INTS8: variants seen among roughly 807,000 people sequenced by gnomAD.
INTS8 encodes protein kaonashi-1.
Under a neutral mutation model 138.9 loss-of-function variants are expected in INTS8, and 47 were observed. The ratio of observed to expected loss-of-function variants is 0.34; its 90% CI spans 0.27 to 0.43. INTS8 has a LOEUF of 0.43. Ranked by LOEUF, INTS8 falls within the 20% of genes least tolerant of loss-of-function variation. INTS8 has a pLI of 1.00. For synonymous variants in INTS8, 392 were observed against 400.9 expected (o/e 0.98, Z 0.27); for missense variants, 996 against 1,173.0 (o/e 0.85, Z 2.20).
chr8:94,873,220 C>A (rs1406970706), intron 21 of INTS8, among the ~76,000 whole-genome samples, 154 bp from the exon 22 acceptor site: 1 of 152,232 alleles, frequency 6.6e-6, no homozygotes, highest in African/African-American at 2.4e-5. Context: ...TGTACTAGGA[C>A]ATTTGGCAAG....
chr8:94,851,453 T>G (rs1815541847), intron 12 of INTS8, 100 bp from the exon 13 acceptor site: 1 of 775,328 alleles, frequency 1.3e-6, no homozygotes, highest in Non-Finnish European at 1.9e-6. Context: ...GATAGCAGCT[T>G]TTAATTTATA....
chr8:94,865,467 A>T (rs749302559), intron 16 of INTS8, 39 bp from the exon 17 acceptor site: 1 of 1,548,662 alleles, frequency 6.5e-7, no homozygotes, highest in South Asian at 1.1e-5. Context: ...GCACGACATT[A>T]CAGATTATCT....
intron 20 of INTS8, among the ~76,000 whole-genome samples, chr8:94,870,965 C>T (rs1210609986): frequency 6.6e-6 from 1 of 152,048 alleles, no homozygotes; most frequent in African/African-American, 2.4e-5. Flanking sequence ...GCTCACAGTA[C>T]TCTTTTCTTG....
intron 16 of INTS8, among the ~76,000 whole-genome samples, chr8:94,863,541 A>G (rs1816070788): frequency 1.3e-5 from 2 of 152,142 alleles, no homozygotes; most frequent in African/African-American, 2.4e-5. Context: ...TTTATGCTGA[A>G]TAGTAAGTTA....
chr8:94,831,928 A>C, intron 5 of INTS8, 64 bp from the exon 6 acceptor site: 3 of 1,325,562 alleles, frequency 2.3e-6, no homozygotes, highest in Non-Finnish European at 3.1e-6. Flanking sequence ...TAGACTGTAA[A>C]TATTTTTGGT....
chr8:94,823,647 C>A, intron 1 of INTS8, 86 bp downstream of exon 1: 2 of 1,162,246 alleles, frequency 1.7e-6, no homozygotes, highest in South Asian at 3.2e-5. Flanking sequence ...CCTTCTCGGT[C>A]ACCGAAGCTG....
Position 94,838,623 on chromosome 8 carries a change from G to A in INTS8, c.1017+5G>A. 1 of 1,601,680 alleles carries A rather than the reference G, an allele frequency of 6.2e-7. No individual in the cohort carries two copies. Among genetic ancestry groups the A allele is most frequent in the Non-Finnish European group, 8.5e-7 (1 of 1,170,304 alleles). On this transcript the variant is annotated splice_donor_5th_base_variant and intron_variant, in intron 8 of 26. Transcript: ENST00000523731. ...TTGAGATCTGGCAACTATCAGGTAAGGTGTATGAGGGGGATGCAGTGAAGT... is the reference window on the plus strand; with the variant it reads ...TTGAGATCTGGCAACTATCAGGTAAAGTGTATGAGGGGGATGCAGTGAAGT...
At chr8:94,866,214 C>G (rs771584927) in intron 18 of INTS8, 23 bp downstream of exon 18, 8 of 1,247,188 alleles carry the variant, frequency 6.4e-6, no homozygotes, top group Admixed American at 1.8e-5. Flanking sequence ...AAAAATTGCT[C>G]TAATTACTAT....
At chr8:94,860,958 G>A (rs1395080178) in intron 16 of INTS8, among the ~76,000 whole-genome samples, 1 of 150,638 alleles carries the variant, frequency 6.6e-6, no homozygotes, top group Non-Finnish European at 1.5e-5. Context: ...TCGGGAGGCT[G>A]AGGCAGGAGA....
chr8:94,856,641 T>A, intron 14 of INTS8, 136 bp from the exon 15 acceptor site: 1 of 677,790 alleles, frequency 1.5e-6, no homozygotes, highest in Non-Finnish European at 2.6e-6. Context: ...GAAAATACTA[T>A]CTAGCCTTAC....
intron 6 of INTS8, among the ~76,000 whole-genome samples, chr8:94,835,800 A>G (rs1193989647): frequency 2.0e-5 from 3 of 152,022 alleles, no homozygotes; most frequent in Non-Finnish European, 2.9e-5. Context: ...GGGTTTCACT[A>G]TGTTGGTCAG....
At position 94,859,496 on chromosome 8, in the gene INTS8, T is replaced by C; in HGVS notation, c.1955-15T>C. The C allele has an allele frequency of 6.2e-7, 1 of 1,610,668 alleles. No individual in the cohort carries two copies. Among genetic ancestry groups the C allele is most frequent in the Non-Finnish European group, 8.5e-7 (1 of 1,177,920 alleles). On this transcript the variant is annotated splice_polypyrimidine_tract_variant and intron_variant, in intron 15 of 26. Coordinates refer to ENST00000523731, the MANE Select transcript of INTS8 (RefSeq NM_017864.4). Reference sequence around the variant, plus strand: ...TGTGATGGTAATTCCAACTGTTTTCTTCTTTGCTTTTTAGATATTCCTCTT... The same window carrying C: ...TGTGATGGTAATTCCAACTGTTTTCCTCTTTGCTTTTTAGATATTCCTCTT...
intron 13 of INTS8, among the ~76,000 whole-genome samples, chr8:94,853,173 A>G (rs762203642): frequency 5.9e-5 from 9 of 152,046 alleles, no homozygotes; most frequent in Non-Finnish European, 1.3e-4. Flanking sequence ...TTAGCTGGGC[A>G]TGGTGGCGCG....
In INTS8 at chr8:94,826,430, C is replaced by T. The variant is rs560398205; in HGVS notation, c.306-833C>T. ...CCGAGTAGCTGGGACTGCAGGCGCC[C>T]GCCACCATAAAGTGTATTTTTAATC... On this transcript the variant is annotated intron_variant, in intron 2 of 26. Transcript: ENST00000523731. 5.3e-5 allele frequency among the ~76,000 whole-genome samples: 8 copies of T among 152,208 alleles called. 1 individual carries two copies. In the South Asian group the frequency reaches 8.3e-4, roughly 16 times the overall value.
intron 2 of INTS8, among the ~76,000 whole-genome samples, chr8:94,826,941 T>C (rs1814529934): frequency 6.6e-6 from 1 of 151,944 alleles, no homozygotes; most frequent in Non-Finnish European, 1.5e-5. Flanking sequence ...CCGTCTCTAC[T>C]AAAAACACAA....
intron 22 of INTS8, 127 bp from the exon 23 acceptor site, chr8:94,874,425 G>A (rs1242411246): frequency 9.1e-6 from 6 of 656,608 alleles, no homozygotes; most frequent in African/African-American, 1.8e-5. Context: ...AAAAGGTACA[G>A]AGTTCCCATA....
At chr8:94,855,382 A>G (rs1815707240) in intron 14 of INTS8, among the ~76,000 whole-genome samples, 2 of 151,910 alleles carry the variant, frequency 1.3e-5, no homozygotes, top group Admixed American at 1.3e-4. Context: ...TAAGTATTTT[A>G]TACTTATAGA....
rs564935045 is a variant in INTS8 at position 94,866,372 on chromosome 8, G to A, written c.2295+181G>A. On this transcript the variant is annotated intron_variant, in intron 18 of 26. Coordinates refer to ENST00000523731, the MANE Select transcript of INTS8 (RefSeq NM_017864.4). Reference sequence around the variant, plus strand: ...CTGAGGTGTGATTGTAACTCACTGCGTCTTCTAATTCTTGAGGTTAAGCAG... The same window carrying A: ...CTGAGGTGTGATTGTAACTCACTGCATCTTCTAATTCTTGAGGTTAAGCAG... 57 of 597,746 alleles carry A rather than the reference G, an allele frequency of 9.5e-5. 1 individual carries two copies. Among genetic ancestry groups the A allele is most frequent in the South Asian group, 5.0e-4 (31 of 62,226 alleles). The allele number at this position is 597,746 out of a possible 1,614,324, so 37.0% of individuals were successfully genotyped here. A position where few individuals can be genotyped will look rare whatever the true frequency, so the allele number is the denominator to read the frequency against.
In INTS8 at chr8:94,876,230, T is replaced by C. The variant is rs1816559786; in HGVS notation, c.2772T>C (p.Ala924=). The part of the protein sequence containing the change: ...KSLQEQNSHD[A]MDSYYDYIWD... ...GAATTCTGTCTTTCAGTCATGATGC[T>C]ATGGACTCCTACTACGACTACATAT... Residue 924 remains alanine (A), a synonymous_variant, in exon 25 of 27, where the codon GCT becomes GCC. Coordinates refer to ENST00000523731, the MANE Select transcript of INTS8 (RefSeq NM_017864.4). The C allele has an allele frequency of 6.2e-7, 1 of 1,612,170 alleles. No homozygotes were observed. The highest frequency in any genetic ancestry group is 1.7e-5 in the Admixed American group (1 of 59,982).
Sources: allele counts gnomAD v4.1 joint callset (sites outside exome capture counted in the v4.1 genomes callset), GRCh38; gene constraint gnomAD v4.1.1; transcripts MANE v1.5; gene names NCBI Gene and HGNC (gene_info 2026-07-23, HGNC 2026-07-21).